RABL6: variants seen among roughly 807,000 people sequenced by gnomAD.
RABL6 encodes rab-like protein 6.
A neutral mutation model predicts 72.9 loss-of-function variants in RABL6; 28 were observed. The observed-to-expected ratio is 0.38, with a 90% CI of 0.28 to 0.53. The LOEUF (loss-of-function observed/expected upper bound fraction) is 0.53. Ranked by LOEUF, RABL6 falls within the 20% of genes least tolerant of loss-of-function variation. The pLI is 0.80. For synonymous variants in RABL6, 477 were observed against 421.2 expected (o/e 1.13, Z -1.62); for missense variants, 1,029 against 1,008.4 (o/e 1.02, Z -0.28).
At chr9:136,821,396 C>A in intron 1 of RABL6, 1 of 985,464 alleles carries the variant, frequency 1.0e-6, no homozygotes. Context: ...AGCGCGTGGG[C>A]CGCCTGAGCG....
At chr9:136,838,878 G>T (rs1359144546) in intron 10 of RABL6, 31 bp from the exon 11 acceptor site, 27 of 1,511,968 alleles carry the variant, frequency 1.8e-5, no homozygotes. Context: ...CTACCCCGTG[G>T]CCCTTGACCG....
At chr9:136,834,636 G>A (rs147514155) in intron 7 of RABL6, among the ~76,000 whole-genome samples, 2,000 of 152,140 alleles carry the variant, frequency 0.013, 39 homozygotes, top group African/African-American at 0.046. Context: ...CTGCCACCAC[G>A]CCTGGCTAAT....
At chr9:136,832,540 G>A (rs1848499540) in intron 7 of RABL6, 170 bp downstream of exon 7, 2 of 719,724 alleles carry the variant, frequency 2.8e-6, no homozygotes, top group Non-Finnish European at 5.1e-6. Context: ...TGCTCTGGGT[G>A]GCAGAGGGTA....
intron 1 of RABL6, among the ~76,000 whole-genome samples, chr9:136,819,570 AAGTT>A (rs1771372392): frequency 1.3e-5 from 2 of 152,300 alleles, no homozygotes; most frequent in African/African-American, 4.8e-5. Context: ...GAAAGGTTGA[AAGTT>A]AGGAGTTGGA....
At chr9:136,812,274 A>G (rs1298656933) in intron 1 of RABL6, among the ~76,000 whole-genome samples, 3 of 152,076 alleles carry the variant, frequency 2.0e-5, no homozygotes, top group Non-Finnish European at 4.4e-5. Flanking sequence ...AATGGGACTT[A>G]GCAGGCCGGG....
rs1294481651 is a variant in RABL6 at position 136,826,442 on chromosome 9, G to A, written c.313+616G>A. 6.6e-6 allele frequency among the ~76,000 whole-genome samples: 1 copy of A among 152,138 alleles called. No individual in the cohort carries two copies. The highest frequency in any genetic ancestry group is 1.5e-5 in the Non-Finnish European group (1 of 68,024). ...GCCACGTGCACGCCCCGGCCTCACAGGCCTGGCTGTGGCCTCGTTACGAGG... is the reference window on the plus strand; with the variant it reads ...GCCACGTGCACGCCCCGGCCTCACAAGCCTGGCTGTGGCCTCGTTACGAGG... On this transcript the variant is annotated intron_variant, in intron 3 of 14. Transcript: ENST00000311502. The surrounding 1 kb of genome is among the most constrained non-coding windows in gnomAD (Gnocchi z 4.9).
At chr9:136,839,618 G>A (rs563376810) in intron 12 of RABL6, 76 bp from the exon 13 acceptor site, 188 of 1,544,186 alleles carry the variant, frequency 1.2e-4, no homozygotes, top group South Asian at 8.9e-4. Flanking sequence ...GGGCCTTGCC[G>A]GCCTGGTTTG....
In RABL6 at chr9:136,823,802, C is replaced by T. The variant is rs143930241; in HGVS notation, c.265+143C>T. 3.4e-4 allele frequency: 382 copies of T among 1,138,694 alleles called. 2 individuals carry two copies. In the African/African-American group the frequency reaches 4.8e-3, roughly 14 times the overall value. 70.5% of individuals were successfully genotyped at this position (1,138,694 alleles called of 1,614,324 possible). Reference sequence around the variant, plus strand: ...GACCCTGCTGACGTGGGGGCCCTGGCGTGAACTCTGGGGCTCTTTTGGGGT... The same window carrying T: ...GACCCTGCTGACGTGGGGGCCCTGGTGTGAACTCTGGGGCTCTTTTGGGGT... On this transcript the variant is annotated intron_variant, in intron 2 of 14. Transcript: ENST00000311502.
At chr9:136,838,267 T>C (rs1848621410) in intron 10 of RABL6, among the ~76,000 whole-genome samples, 2 of 152,194 alleles carry the variant, frequency 1.3e-5, no homozygotes, top group African/African-American at 2.4e-5. Context: ...TGGGGTCTTC[T>C]GTGGGCAGAT....
chr9:136,835,403 C>T (rs1848567337), intron 7 of RABL6: 2 of 208,754 alleles, frequency 9.6e-6, no homozygotes, highest in Non-Finnish European at 1.9e-5. Context: ...AGCAGAGGGG[C>T]TTTGTTTCCC....
At chr9:136,828,426 A>T in intron 3 of RABL6, 68 bp from the exon 4 acceptor site, 1 of 1,529,618 alleles carries the variant, frequency 6.5e-7, no homozygotes, top group Non-Finnish European at 9.0e-7. Context: ...CCATGGGGGG[A>T]CCATGCTCCT....
In RABL6 at chr9:136,840,558, C is replaced by T. The variant is rs1188360793; in HGVS notation, c.*36C>T. 28 of 1,531,374 alleles carry T rather than the reference C, an allele frequency of 1.8e-5. No homozygotes were observed. Among genetic ancestry groups the T allele is most frequent in the African/African-American group, 2.8e-5 (2 of 72,198 alleles). The allele number at this position is 1,531,374 out of a possible 1,614,324, so 94.9% of individuals were successfully genotyped here. ...GCAGTGGCCGCCCTGGGGCGGGGGGCGTGCCTGTCACTGCCTGGGGAGGCA... is the reference window on the plus strand; with the variant it reads ...GCAGTGGCCGCCCTGGGGCGGGGGGTGTGCCTGTCACTGCCTGGGGAGGCA... On this transcript the variant is annotated 3_prime_UTR_variant, in exon 15 of 15. Coordinates refer to ENST00000311502, the MANE Select transcript of RABL6 (RefSeq NM_024718.5).
chr9:136,828,358 G>T, intron 3 of RABL6, 136 bp from the exon 4 acceptor site: 2 of 811,418 alleles, frequency 2.5e-6, no homozygotes, highest in Non-Finnish European at 4.1e-6. Flanking sequence ...GGGTGCCCAC[G>T]CTGCAGGCTG....
At chr9:136,835,938 G>C (rs921813491) in intron 8 of RABL6, 93 bp downstream of exon 8, 1 of 1,237,410 alleles carries the variant, frequency 8.1e-7, no homozygotes, top group Non-Finnish European at 1.1e-6. Context: ...GACAGCAGAG[G>C]GGAGTGTCCC....
intron 1 of RABL6, chr9:136,814,132 A>G: frequency 3.1e-6 from 1 of 327,210 alleles, no homozygotes. Context: ...TGTCATACCC[A>G]TTCTGACATC....
Position 136,826,870 on chromosome 9 carries a change from A to C in RABL6, c.313+1044A>C, listed in dbSNP as rs1848370288. 6.6e-6 allele frequency: 1 copy of C among 152,350 alleles called. No individual in the cohort carries two copies. The highest frequency in any genetic ancestry group is 2.4e-5 in the African/African-American group (1 of 41,432). 9.4% of individuals were successfully genotyped at this position (152,350 alleles called of 1,614,324 possible). A position where few individuals can be genotyped will look rare whatever the true frequency, so the allele number is the denominator to read the frequency against. On this transcript the variant is annotated intron_variant, in intron 3 of 14. Coordinates refer to ENST00000311502, the MANE Select transcript of RABL6 (RefSeq NM_024718.5). The surrounding 1 kb of genome is among the most constrained non-coding windows in gnomAD (Gnocchi z 4.9). ...AGCTGCAGAGATTTCCTGTGCCTCC[A>C]GCTCTGGCTTCCTGGGTCTGTCCTT...
Position 136,840,775 on chromosome 9 carries a change from C to G in RABL6, c.*253C>G. The G allele has an allele frequency of 6.5e-7, 1 of 1,548,062 alleles. No homozygotes were observed. The highest frequency in any genetic ancestry group is 8.7e-7 in the Non-Finnish European group (1 of 1,146,816). On this transcript the variant is annotated 3_prime_UTR_variant, in exon 15 of 15. Coordinates refer to ENST00000311502, the MANE Select transcript of RABL6 (RefSeq NM_024718.5). ...GCCAGGCTCGGTGGACACCCTGGCC[C>G]TCTCGGGGCAGAGCCGCCAGTGTTT...
intron 7 of RABL6, chr9:136,832,765 G>A (rs896208566): frequency 1.8e-5 from 6 of 338,208 alleles, no homozygotes; most frequent in Non-Finnish European, 3.4e-5. Context: ...AAAGTGCTGG[G>A]ATGCCAGGCG....
At chr9:136,838,637 G>A (rs1174707389) in intron 10 of RABL6, among the ~76,000 whole-genome samples, 2 of 152,074 alleles carry the variant, frequency 1.3e-5, no homozygotes, top group African/African-American at 2.4e-5. Context: ...AGCTGGGCCC[G>A]CCTCCTCCAC....
Sources: gnomAD v4.1 joint callset for allele counts (sites outside exome capture counted in the v4.1 genomes callset) on GRCh38, gnomAD v4.1.1 for gene constraint, Gnocchi (gnomAD v3.1) non-coding constraint, MANE v1.5 for transcripts, NCBI Gene and HGNC (gene_info 2026-07-23, HGNC 2026-07-21) for gene names.